The following ACACB variants were observed in gnomAD, a reference collection of about 807,000 sequenced individuals.
The protein encoded by ACACB is acetyl-CoA carboxylase 2.
Under a neutral mutation model 278.8 loss-of-function variants are expected in ACACB, and 209 were observed. The ratio of observed to expected loss-of-function variants is 0.75; its 90% CI spans 0.67 to 0.84. The LOEUF is 0.84. ACACB is among the 40% of genes least tolerant of loss of function. ACACB has a pLI of 0.00. For missense variants in ACACB, 2,850 were observed against 3,269.0 expected (o/e 0.87, Z 3.13); for synonymous variants, 1,174 against 1,285.6 (o/e 0.91, Z 1.86).
intron 27 of ACACB, among the ~76,000 whole-genome samples, chr12:109,226,408 A>G (rs1357448806): frequency 6.6e-6 from 1 of 151,712 alleles, no homozygotes; most frequent in Non-Finnish European, 1.5e-5. Flanking sequence ...GTAAAGTTTT[A>G]TCAGAACGCG....
intron 2 of ACACB, among the ~76,000 whole-genome samples, chr12:109,140,991 C>T (rs541715052): frequency 1.9e-4 from 28 of 147,170 alleles, no homozygotes; most frequent in African/African-American, 5.6e-4. Context: ...CTCAAACTCC[C>T]GGGCTCAAGC....
At chr12:109,179,382 C>A in intron 10 of ACACB, 85 bp downstream of exon 10, 1 of 1,405,880 alleles carries the variant, frequency 7.1e-7, no homozygotes, top group Non-Finnish European at 9.8e-7. Flanking sequence ...GTCAGTGTGG[C>A]TGAATGGTGG....
At chr12:109,175,761 T>C (rs1328500654) in intron 7 of ACACB, among the ~76,000 whole-genome samples, 170 bp from the exon 8 acceptor site, 1 of 152,164 alleles carries the variant, frequency 6.6e-6, no homozygotes, top group African/African-American at 2.4e-5. Context: ...GTTGGGTTAG[T>C]TCTTGAGGAA....
Position 109,139,739 on chromosome 12 carries a change from TC to T in ACACB, c.338del (p.Pro113GlnfsTer49). 1 of 1,613,662 alleles carries T rather than the reference TC, an allele frequency of 6.2e-7. No homozygotes were observed. Among genetic ancestry groups the T allele is most frequent in the Non-Finnish European group, 8.5e-7 (1 of 1,179,938 alleles). ...NPLSSSDAAP[S>X]PELQANGTGT... ...CCTTTCTTCCAGTGACGCAGCACCC[TC>T]CCCAGAGCTTCAAGCCAACGGGACT... On this transcript the variant is annotated frameshift_variant, in exon 2 of 53. Coordinates refer to ENST00000338432, the MANE Select transcript of ACACB (RefSeq NM_001093.4). LOFTEE classifies it high-confidence loss of function.
intron 33 of ACACB, 168 bp downstream of exon 33, chr12:109,235,815 T>G: frequency 1.7e-6 from 1 of 597,028 alleles, no homozygotes; most frequent in Non-Finnish European, 2.9e-6. Context: ...CTGGGTTATA[T>G]AGTGAGACCC....
intron 39 of ACACB, among the ~76,000 whole-genome samples, chr12:109,246,771 C>T (rs2046959297): frequency 6.6e-6 from 1 of 152,100 alleles, no homozygotes; most frequent in African/African-American, 2.4e-5. Context: ...GTGTCAACTC[C>T]CTGGCCTCAT....
At position 109,232,669 on chromosome 12, in the gene ACACB, G is replaced by A; in HGVS notation, c.4002G>A (p.Arg1334=). Residue 1334 remains arginine, a splice_region_variant and synonymous_variant, in exon 29 of 53, where the codon CGG becomes CGA. Transcript: ENST00000338432. ...QFMLPSSHPN[R]MTVPISITNP... The stretch of plus-strand genomic sequence containing the variant: ...TCCCCGACTTGCCATCACCTTACAG[G>A]ATGACCGTGCCCATCAGCATCACCA... 1 of 1,613,680 alleles carries A rather than the reference G, an allele frequency of 6.2e-7. No homozygotes were observed. Among genetic ancestry groups the A allele is most frequent in the Non-Finnish European group, 8.5e-7 (1 of 1,179,810 alleles).
chr12:109,245,704 C>G lies in ACACB; in HGVS notation c.5257C>G (p.Gln1753Glu). 6.2e-7 allele frequency: 1 copy of G among 1,614,190 alleles called. No individual in the cohort carries two copies. Among genetic ancestry groups the G allele is most frequent in the East Asian group, 2.2e-5 (1 of 44,886 alleles). ...LTYTELVLDS[Q>E]GQLVEMNRLP... is the part of the protein sequence containing the mutation. ...ATACACTGAATTAGTGTTGGACTCT[C>G]AGGGCCAGCTGGTGGAGATGAACCG... The change falls in exon 38 of 53, where the codon CAG becomes GAG. Residue 1753 changes from glutamine to glutamate, a missense_variant. Transcript: ENST00000338432.
chr12:109,171,508 C>A (rs1381075506), intron 4 of ACACB, among the ~76,000 whole-genome samples: 1 of 152,142 alleles, frequency 6.6e-6, no homozygotes, highest in Non-Finnish European at 1.5e-5. Flanking sequence ...CACCACCACG[C>A]CTGGCTAATT....
Position 109,268,171 on chromosome 12 carries a change from C to T in ACACB, c.*1809C>T, listed in dbSNP as rs946420089. 1.3e-5 allele frequency: 2 copies of T among 152,134 alleles called. No homozygotes were observed. Among genetic ancestry groups the T allele is most frequent in the Non-Finnish European group, 2.9e-5 (2 of 68,030 alleles). 9.4% of individuals were successfully genotyped at this position (152,134 alleles called of 1,614,324 possible). On this transcript the variant is annotated 3_prime_UTR_variant, in exon 53 of 53. Coordinates refer to ENST00000338432, the MANE Select transcript of ACACB (RefSeq NM_001093.4). This position sits in a 1 kb window ranked among gnomAD's most constrained non-coding sequence, Gnocchi z 4.2. Reference sequence around the variant, plus strand: ...GTTATGAGTAGCTGCTACCCTGGAACGGTGGGCAGAGAGCCTACTAGGAAA... The same window carrying T: ...GTTATGAGTAGCTGCTACCCTGGAATGGTGGGCAGAGAGCCTACTAGGAAA...
chr12:109,216,604 T>A lies in ACACB; in HGVS notation c.3351-14T>A. 6.2e-7 allele frequency: 1 copy of A among 1,613,628 alleles called. No individual in the cohort carries two copies. The highest frequency in any genetic ancestry group is 8.5e-7 in the Non-Finnish European group (1 of 1,179,544). On this transcript the variant is annotated splice_polypyrimidine_tract_variant and intron_variant, in intron 22 of 52. Transcript: ENST00000338432. ...AGGGTGTGAGCATTAAGAGCAGCCT[T>A]CCCTTCTCCCCAGATACCGCAGCGG...
At chr12:109,215,806 T>TTTTA (rs1375808720) in intron 22 of ACACB, among the ~76,000 whole-genome samples, 2 of 152,108 alleles carry the variant, frequency 1.3e-5, no homozygotes, top group African/African-American at 4.8e-5. Flanking sequence ...ATTAATTAAT[T>TTTTA]TTTATTTATT....
chr12:109,232,571 A>G (rs2046503929), intron 28 of ACACB, 98 bp from the exon 29 acceptor site: 1 of 1,455,968 alleles, frequency 6.9e-7, no homozygotes, highest in African/African-American at 1.4e-5. Flanking sequence ...AAGAGCTCTA[A>G]ATCTGGTCCA....
At chr12:109,157,868 G>A (rs1049933431) in intron 2 of ACACB, among the ~76,000 whole-genome samples, 3 of 152,170 alleles carry the variant, frequency 2.0e-5, no homozygotes, top group African/African-American at 7.2e-5. Context: ...TTGAAATAAA[G>A]TTGGGGATGA....
intron 2 of ACACB, among the ~76,000 whole-genome samples, chr12:109,150,437 GA>G (rs2043342327): frequency 6.6e-6 from 1 of 152,218 alleles, no homozygotes; most frequent in African/African-American, 2.4e-5. Context: ...AAAGGCAGGT[GA>G]AGTGTCCCGA....
chr12:109,207,713 C>G (rs552392155), intron 20 of ACACB, among the ~76,000 whole-genome samples: 1 of 152,230 alleles, frequency 6.6e-6, no homozygotes, highest in Non-Finnish European at 1.5e-5. Flanking sequence ...GAGCCTTGCT[C>G]TGTCACCCAC....
chr12:109,263,605 G>C (rs1307591901), intron 49 of ACACB: 1 of 152,270 alleles, frequency 6.6e-6, no homozygotes, highest in Non-Finnish European at 1.5e-5. Context: ...CTCATAGAAT[G>C]AGTTGAAGTG....
chr12:109,247,653 C>G lies in ACACB; in HGVS notation c.5619C>G (p.Ser1873Arg), dbSNP rs756815651. 1.4e-5 allele frequency: 22 copies of G among 1,613,828 alleles called. No individual in the cohort carries two copies. The highest frequency in any genetic ancestry group is 1.8e-5 in the Non-Finnish European group (21 of 1,179,976). The change falls in exon 40 of 53, where the codon AGC becomes AGG. Residue 1873 changes from serine (S) to arginine (R), a missense_variant. Physicochemically the swap from Ser to Arg is moderately radical, Grantham distance 110 (BLOSUM62 -1). This residue lies in a region of ACACB where 2,265 missense variants were observed against 2,561.3 expected (regional missense o/e 0.88). Transcript: ENST00000338432. ...YLTPQDYTRISSLNSVHCKHI... is the reference protein window; with the variant it reads ...YLTPQDYTRIRSLNSVHCKHI... ...CTCCCCAAGACTACACCAGAATCAG[C>G]TCCCTGAACTCCGTCCACTGTAAAC...
intron 48 of ACACB, among the ~76,000 whole-genome samples, chr12:109,261,850 G>A (rs2047385905): frequency 7.1e-6 from 1 of 140,190 alleles, no homozygotes; most frequent in Non-Finnish European, 1.5e-5. Context: ...CAGCCTGGGT[G>A]ACAGAGTGAG....
Sources: gnomAD v4.1 joint callset for allele counts (sites outside exome capture counted in the v4.1 genomes callset) on GRCh38, gnomAD v4.1.1 for gene constraint, gnomAD v4.1.1 regional missense constraint, Gnocchi (gnomAD v3.1) non-coding constraint, MANE v1.5 for transcripts, NCBI Gene and HGNC (gene_info 2026-07-23, HGNC 2026-07-21) for gene names.